Variants in MAST4 observed in about 807,000 individuals in gnomAD.
MAST4 encodes the protein microtubule associated serine/threonine kinase family member 4.
In MAST4, 89 loss-of-function variants were observed where a neutral mutation model predicts 162.7. The observed-to-expected ratio is 0.55, with a 90% confidence interval of 0.46 to 0.65. The LOEUF (loss-of-function observed/expected upper bound fraction) is 0.65. Ranked by LOEUF, MAST4 falls within the 30% of genes least tolerant of loss-of-function variation. The pLI is 0.00. For missense variants in MAST4, 3,153 were observed against 3,374.0 expected (o/e 0.93, Z 1.62); for synonymous variants, 1,479 against 1,361.1 (o/e 1.09, Z -1.91).
At position 67,121,060 on chromosome 5, in the gene MAST4, G is replaced by A. The variant is rs1271705351; in HGVS notation, c.1703G>A (p.Ser568Asn). The A allele has an allele frequency of 1.2e-6, 2 of 1,611,234 alleles. No homozygotes were observed. The highest frequency in any genetic ancestry group is 1.7e-6 in the Non-Finnish European group (2 of 1,178,778). ...AAACTTCGAAGGAAACCTCGGGAAA[G>A]TGATTTTGAAACGATTAAATTGATT... Reference protein sequence around the residue: ...SLKLRRKPRESDFETIKLISN... With the variant: ...SLKLRRKPRENDFETIKLISN... The change falls in exon 14 of 29, where the codon AGT becomes AAT. Residue 568 changes from serine (S) to asparagine (N), a missense_variant. Physicochemically the swap from Ser to Asn is conservative, Grantham distance 46. Transcript: ENST00000403625.
chr5:66,788,900 G>A lies in MAST4; in HGVS notation c.642+106G>A, dbSNP rs1484524197. 6.8e-6 allele frequency: 9 copies of A among 1,322,304 alleles called. 1 individual carries two copies. The East Asian group carries it at 1.7e-4, about 25-fold the overall frequency. The allele number at this position is 1,322,304 out of a possible 1,614,324, so 81.9% of individuals were successfully genotyped here. A position where few individuals can be genotyped will look rare whatever the true frequency, so the allele number is the denominator to read the frequency against. On this transcript the variant is annotated intron_variant, in intron 3 of 28. Transcript: ENST00000403625. ...ATATTTAAACTTACCCACATGTGAC[G>A]TTAAGCACATATTTGGCAATGTGGA... is the stretch of plus-strand genomic sequence containing the variant.
At chr5:67,159,078 A>G (rs910007406) in intron 26 of MAST4, among the ~76,000 whole-genome samples, 2 of 152,220 alleles carry the variant, frequency 1.3e-5, no homozygotes, top group Non-Finnish European at 2.9e-5. Context: ...AGGAAATATT[A>G]CATAATTTTG....
intron 1 of MAST4, among the ~76,000 whole-genome samples, chr5:66,684,615 A>G (rs1748529492): frequency 6.6e-6 from 1 of 152,230 alleles, no homozygotes; most frequent in South Asian, 2.1e-4. Context: ...AAACCTGCCT[A>G]AAGGGCTAAT....
intron 4 of MAST4, among the ~76,000 whole-genome samples, chr5:66,913,057 A>G (rs1763879700): frequency 6.6e-6 from 1 of 152,204 alleles, no homozygotes; most frequent in African/African-American, 2.4e-5. Flanking sequence ...AGCTGTTCCT[A>G]CATGGTATAG....
At chr5:66,647,401 T>C (rs984210313) in intron 1 of MAST4, among the ~76,000 whole-genome samples, 1 of 152,048 alleles carries the variant, frequency 6.6e-6, no homozygotes, top group Non-Finnish European at 1.5e-5. Flanking sequence ...TTCGTTTTCA[T>C]TGCAAAATAT....
intron 1 of MAST4, among the ~76,000 whole-genome samples, chr5:66,681,487 G>A (rs1452005241): frequency 6.6e-6 from 1 of 152,178 alleles, no homozygotes; most frequent in Non-Finnish European, 1.5e-5. Context: ...TCAGTATCCT[G>A]GTGGGGGTGA....
At chr5:66,609,702 TTTG>T (rs1436266160) in intron 1 of MAST4, among the ~76,000 whole-genome samples, 3 of 107,026 alleles carry the variant, frequency 2.8e-5, no homozygotes, top group African/African-American at 1.8e-4. Context: ...TTTTTTTTTT[TTTG>T]TTTTTTTTTT....
intron 1 of MAST4, among the ~76,000 whole-genome samples, chr5:66,621,679 C>T (rs922265873): frequency 3.3e-5 from 5 of 152,152 alleles, no homozygotes; most frequent in South Asian, 2.1e-4. Context: ...TTCATTCCTC[C>T]GTCTACCCAA....
rs1021105341 is a variant in MAST4, at chr5:66,996,153, C to T, written c.675-58251C>T. On this transcript the variant is annotated intron_variant, in intron 4 of 28. Coordinates refer to ENST00000403625, the MANE Select transcript of MAST4 (RefSeq NM_001164664.2). ...AATTAGCTGCGCATGGTGGCAGGCA[C>T]GTGTAATCCCGGCTACTCGGGAGGC... Among the ~76,000 whole-genome samples the T allele has an allele frequency of 3.9e-5, 6 of 151,904 alleles. No homozygotes were observed. The South Asian group carries it at 1.0e-3, about 26-fold the overall frequency.
chr5:66,667,650 A>C (rs1293482053), intron 1 of MAST4, among the ~76,000 whole-genome samples: 7 of 152,144 alleles, frequency 4.6e-5, no homozygotes, highest in African/African-American at 1.4e-4. Flanking sequence ...CTACTCCACC[A>C]CTTATGGTCA....
chr5:66,951,927 C>T (rs371815860), intron 4 of MAST4, among the ~76,000 whole-genome samples: 19 of 152,196 alleles, frequency 1.2e-4, no homozygotes, highest in South Asian at 4.2e-4. Flanking sequence ...ATCTAGGTCT[C>T]CTGCATGGAG....
Position 67,144,706 on chromosome 5 carries a change from C to A in MAST4, c.2768C>A (p.Ala923Glu). Residue 923 changes from alanine to glutamate, a missense_variant, in exon 22 of 29, where the codon GCA becomes GAA. Transcript: ENST00000403625. ...ATAGATCGAATCACTCAGAATTCAGCAGAAGAGAAGGAAGACTCTGTGGAC... is the reference window on the plus strand; with the variant it reads ...ATAGATCGAATCACTCAGAATTCAGAAGAAGAGAAGGAAGACTCTGTGGAC... ...SSIDRITQNSAEEKEDSVDKT... is the reference protein window; with the variant it reads ...SSIDRITQNSEEEKEDSVDKT... The A allele has an allele frequency of 6.2e-7, 1 of 1,613,894 alleles. No individual in the cohort carries two copies. The highest frequency in any genetic ancestry group is 8.5e-7 in the Non-Finnish European group (1 of 1,179,814).
chr5:67,138,943 A>T (rs758340147), intron 19 of MAST4, among the ~76,000 whole-genome samples: 27 of 152,218 alleles, frequency 1.8e-4, no homozygotes, highest in Non-Finnish European at 2.9e-4. Flanking sequence ...CTAGACAAGG[A>T]TGTGATAATG....
intron 5 of MAST4, among the ~76,000 whole-genome samples, chr5:67,072,333 A>G (rs1561610717): frequency 6.6e-6 from 1 of 152,334 alleles, no homozygotes; most frequent in Non-Finnish European, 1.5e-5. Context: ...ATAGACATTG[A>G]AAAAGCCCTT....
chr5:66,596,466 G>T lies in MAST4; in HGVS notation c.-190G>T. The stretch of plus-strand genomic sequence containing the variant: ...GGAGCCTCCGTTTGCGGCCGGGCCC[G>T]GGCGGCTGTGAACTTAGCAGCGGGC... On this transcript the variant is annotated 5_prime_UTR_variant, in exon 1 of 29. Transcript: ENST00000403625. The T allele has an allele frequency of 1.5e-6, 1 of 651,268 alleles. No individual in the cohort carries two copies. Among genetic ancestry groups the T allele is most frequent in the Non-Finnish European group, 2.2e-6 (1 of 456,748 alleles). 40.3% of individuals were successfully genotyped at this position (651,268 alleles called of 1,614,324 possible).
chr5:66,705,141 G>A (rs1387806403), intron 1 of MAST4, among the ~76,000 whole-genome samples: 2 of 152,172 alleles, frequency 1.3e-5, no homozygotes, highest in Non-Finnish European at 2.9e-5. Context: ...AGTGGAAATT[G>A]GAGGATCAGG....
intron 3 of MAST4, among the ~76,000 whole-genome samples, chr5:66,883,514 C>T (rs953810290): frequency 9.3e-5 from 14 of 150,378 alleles, no homozygotes; most frequent in East Asian, 1.9e-4. Flanking sequence ...CTGCAACCTC[C>T]GCCTCCTGGG....
chr5:66,752,353 T>C (rs988813231), intron 1 of MAST4, among the ~76,000 whole-genome samples: 2 of 150,256 alleles, frequency 1.3e-5, no homozygotes, highest in Non-Finnish European at 3.0e-5. Flanking sequence ...GACTGGCAAA[T>C]TGGATAAAGA....
intron 4 of MAST4, among the ~76,000 whole-genome samples, chr5:67,028,790 A>G (rs1347983724): frequency 1.3e-5 from 2 of 152,076 alleles, no homozygotes; most frequent in Non-Finnish European, 2.9e-5. Flanking sequence ...GATGCTGGAT[A>G]TGTGGATCTG....
Sources: allele counts gnomAD v4.1 joint callset (sites outside exome capture counted in the v4.1 genomes callset), GRCh38; gene constraint gnomAD v4.1.1; transcripts MANE v1.5; gene names NCBI Gene and HGNC (gene_info 2026-07-23, HGNC 2026-07-21).